YAE1: variants seen among roughly 807,000 people sequenced by gnomAD.
YAE1 encodes protein YAE1 homolog.
Under a neutral mutation model 23.0 loss-of-function variants are expected in YAE1, and 22 were observed. The observed-to-expected ratio is 0.96, with a 90% CI of 0.68 to 1.37. The LOEUF is 1.37. YAE1 is among the 40% of genes most tolerant of loss of function. YAE1 has a pLI of 0.00. For missense variants in YAE1, 260 were observed against 262.1 expected, an observed-to-expected ratio of 0.99 and a Z score of 0.06; for synonymous variants, 101 against 97.0, an observed-to-expected ratio of 1.04 and a Z score of -0.24.
intron 2 of YAE1, among the ~76,000 whole-genome samples, chr7:39,591,584 T>C (rs1790901605): frequency 6.6e-6 from 1 of 151,896 alleles, no homozygotes; most frequent in South Asian, 2.1e-4. Context: ...AGTTCCCAGA[T>C]ACCTCCTGCC....
intron 2 of YAE1, among the ~76,000 whole-genome samples, chr7:39,590,952 G>A (rs1790892979): frequency 6.6e-6 from 1 of 152,176 alleles, no homozygotes; most frequent in Non-Finnish European, 1.5e-5. Flanking sequence ...TGCAGACTGG[G>A]TGGCTGGGTG....
chr7:39,593,173 A>ATTTTTTTT (rs1790924411), intron 2 of YAE1, among the ~76,000 whole-genome samples: 1 of 40,056 alleles, frequency 2.5e-5, no homozygotes, highest in African/African-American at 9.9e-5. Context: ...CCATTTGGTT[A>ATTTTTTTT]TTTCTTTTTT....
chr7:39,571,916 C>G (rs368633948), intron 2 of YAE1, among the ~76,000 whole-genome samples: 1 of 152,094 alleles, frequency 6.6e-6, no homozygotes, highest in Non-Finnish European at 1.5e-5. Flanking sequence ...AAAAAAGATA[C>G]CCCCTGAGAT....
At chr7:39,571,685 A>G (rs1419249777) in intron 2 of YAE1, among the ~76,000 whole-genome samples, 1 of 152,212 alleles carries the variant, frequency 6.6e-6, no homozygotes, top group Non-Finnish European at 1.5e-5. Context: ...TTATTTTATG[A>G]CATGACTATA....
chr7:39,595,304 G>A (rs1790959732), intron 2 of YAE1, among the ~76,000 whole-genome samples: 1 of 152,048 alleles, frequency 6.6e-6, no homozygotes, highest in African/African-American at 2.4e-5. Context: ...TTTTATTGAT[G>A]AGGATTTTGT....
At chr7:39,576,817 G>A (rs1383818575), downstream of YAE1, among the ~76,000 whole-genome samples, 2 of 152,114 alleles carry the variant, frequency 1.3e-5, no homozygotes, top group Admixed American at 6.5e-5. Context: ...GAATCTACTA[G>A]CCAACATGGA....
chr7:39,576,955 C>T (rs370596308), downstream of YAE1, among the ~76,000 whole-genome samples: 58 of 152,242 alleles, frequency 3.8e-4, no homozygotes, highest in African/African-American at 1.3e-3. Context: ...AGTGCAATGG[C>T]GCAATCTCGG....
chr7:39,609,349 G>A (rs1489656307), intron 2 of YAE1, among the ~76,000 whole-genome samples: 1 of 152,212 alleles, frequency 6.6e-6, no homozygotes, highest in Non-Finnish European at 1.5e-5. Flanking sequence ...TCTTTAAAAG[G>A]AAATGCAGTC....
At position 39,579,626 on chromosome 7, in the gene YAE1, C is replaced by T. The variant is rs192645784; in HGVS notation, c.251+8999C>T. Among the ~76,000 whole-genome samples, 15 of 150,686 alleles carry T rather than the reference C, an allele frequency of 1.0e-4. No individual in the cohort carries two copies. The East Asian group carries it at 2.9e-3, about 29-fold the overall frequency. On this transcript the variant is annotated intron_variant, in intron 2 of 2. Coordinates refer to the YAE1 transcript ENST00000432096. ...GGGGGTGCAGTGAGCTGAGATCACG[C>T]CACTGCACTCCAGCCTGGACAACAG...
chr7:39,567,582 A>C (rs931810563), intron 1 of YAE1, among the ~76,000 whole-genome samples: 1 of 152,124 alleles, frequency 6.6e-6, no homozygotes, highest in African/African-American at 2.4e-5. Flanking sequence ...CTTTTTGTGA[A>C]GACATTGCTA....
At chr7:39,588,183 A>C (rs12111908) in intron 2 of YAE1, among the ~76,000 whole-genome samples, 2 of 152,192 alleles carry the variant, frequency 1.3e-5, no homozygotes, top group East Asian at 3.8e-4. Flanking sequence ...TTCTTTGTAC[A>C]TGTTGTAGGC....
intron 2 of YAE1, among the ~76,000 whole-genome samples, chr7:39,593,331 C>G (rs974950012): frequency 6.6e-6 from 1 of 151,692 alleles, no homozygotes; most frequent in Non-Finnish European, 1.5e-5. Flanking sequence ...ATTGCAGGTG[C>G]CTGCCACCAT....
At chr7:39,578,010 A>G (rs887398800) in intron 2 of YAE1, among the ~76,000 whole-genome samples, 3 of 151,972 alleles carry the variant, frequency 2.0e-5, no homozygotes, top group Non-Finnish European at 4.4e-5. Context: ...GAGAACCTTT[A>G]TGTCTAGCTA....
At chr7:39,570,257 A>C in intron 1 of YAE1, 1 of 638,128 alleles carries the variant, frequency 1.6e-6, no homozygotes, top group Non-Finnish European at 2.6e-6. Flanking sequence ...TTTTTTAAAA[A>C]CTGTGACTAT....
chr7:39,570,157 C>A, intron 1 of YAE1: 1 of 746,640 alleles, frequency 1.3e-6, no homozygotes, highest in Admixed American at 2.2e-5. Context: ...GCAACAGTAC[C>A]AGGACTGCCA....
At chr7:39,599,794 G>T (rs1432236741) in intron 2 of YAE1, among the ~76,000 whole-genome samples, 1 of 151,574 alleles carries the variant, frequency 6.6e-6, no homozygotes, top group Non-Finnish European at 1.5e-5. Flanking sequence ...AGTGCATGTT[G>T]GCCAGGCTGG....
chr7:39,598,955 C>A (rs1791016735), intron 2 of YAE1, among the ~76,000 whole-genome samples: 1 of 151,976 alleles, frequency 6.6e-6, no homozygotes, highest in Admixed American at 6.6e-5. Flanking sequence ...GCAATGGTAT[C>A]TAGCTCAGGT....
chr7:39,577,373 C>T (rs1023923772), downstream of YAE1, among the ~76,000 whole-genome samples: 1 of 152,260 alleles, frequency 6.6e-6, no homozygotes, highest in African/African-American at 2.4e-5. Context: ...CCCGCTGCTG[C>T]GCTGTGGGAG....
At chr7:39,598,526 C>T (rs1791010196) in intron 2 of YAE1, among the ~76,000 whole-genome samples, 1 of 151,606 alleles carries the variant, frequency 6.6e-6, no homozygotes, top group Non-Finnish European at 1.5e-5. Context: ...CCTATAATCC[C>T]AGCCCTTCGG....
Sources: gnomAD v4.1 joint callset for allele counts (sites outside exome capture counted in the v4.1 genomes callset) on GRCh38, gnomAD v4.1.1 for gene constraint, MANE v1.5 for transcripts, NCBI Gene and HGNC (gene_info 2026-07-23, HGNC 2026-07-21) for gene names.